The following CSMD3 variants were observed in gnomAD, a reference collection of about 807,000 sequenced individuals.
CSMD3 encodes the protein CUB and sushi domain-containing protein 3.
CSMD3 carries 177 observed loss-of-function variants against 435.2 expected under a neutral mutation model. The observed-to-expected ratio is 0.41, with a 90% CI of 0.36 to 0.46. The LOEUF is 0.46. Among genes scored for constraint, CSMD3 ranks in the 20% least tolerant of loss-of-function variants. The pLI, the probability that CSMD3 is intolerant of heterozygous loss-of-function variation, is 0.34. For missense variants in CSMD3, 4,265 were observed against 4,504.6 expected, an observed-to-expected ratio of 0.95 and a Z score of 1.52; for synonymous variants, 1,656 against 1,520.5, an observed-to-expected ratio of 1.09 and a Z score of -2.07.
At chr8:112,738,832 A>G (rs2077242200) in intron 13 of CSMD3, among the ~76,000 whole-genome samples, 1 of 151,776 alleles carries the variant, frequency 6.6e-6, no homozygotes, top group South Asian at 2.1e-4. Flanking sequence ...TATTTTTAAG[A>G]TAAAAGTCTT....
chr8:113,273,108 T>A (rs1023681956), intron 3 of CSMD3, among the ~76,000 whole-genome samples: 1 of 151,964 alleles, frequency 6.6e-6, no homozygotes, highest in African/African-American at 2.4e-5. Flanking sequence ...TGTATGAAAA[T>A]ACCACATATA....
At chr8:112,624,420 T>A (rs139017364) in intron 22 of CSMD3, among the ~76,000 whole-genome samples, 1 of 152,242 alleles carries the variant, frequency 6.6e-6, no homozygotes, top group East Asian at 1.9e-4. Flanking sequence ...CTCAAAATGT[T>A]CATGCTGCTT....
At chr8:112,264,535 C>G (rs1026066109) in intron 60 of CSMD3, among the ~76,000 whole-genome samples, 2 of 151,878 alleles carry the variant, frequency 1.3e-5, no homozygotes. Context: ...TGAGTAATAT[C>G]TAATTCATAT....
intron 38 of CSMD3, among the ~76,000 whole-genome samples, chr8:112,366,872 A>C (rs898570751): frequency 4.6e-5 from 7 of 152,360 alleles, no homozygotes; most frequent in Admixed American, 3.9e-4. Flanking sequence ...GGCTGGTATC[A>C]TTGCTTACAA....
intron 1 of CSMD3, among the ~76,000 whole-genome samples, chr8:113,388,596 A>G (rs1044067893): frequency 7.9e-5 from 12 of 151,544 alleles, no homozygotes; most frequent in African/African-American, 2.4e-4. Flanking sequence ...GTCACCACAC[A>G]TGGTAGTTAT....
intron 22 of CSMD3, among the ~76,000 whole-genome samples, chr8:112,596,997 A>G (rs199524775): frequency 3.3e-5 from 5 of 152,236 alleles, no homozygotes; most frequent in Admixed American, 6.5e-5. Context: ...GCTAGCAGAA[A>G]GCAAGAAATA....
rs375230348 is a variant in CSMD3 at position 113,377,996 on chromosome 8, A to G, written c.178+58681T>C. Among the ~76,000 whole-genome samples the G allele has an allele frequency of 8.5e-5, 13 of 152,346 alleles. No homozygotes were observed. In the East Asian group the frequency reaches 2.3e-3, roughly 27 times the overall value. On this transcript the variant is annotated intron_variant, in intron 1 of 70. Coordinates refer to ENST00000297405, the MANE Select transcript of CSMD3 (RefSeq NM_198123.2). ...TAAATGGATAAACTACTGAGGGAAT[A>G]CAATAAATACACAAATAAATAAGGC...
intron 27 of CSMD3, among the ~76,000 whole-genome samples, chr8:112,546,059 A>G (rs1316400230): frequency 6.6e-6 from 1 of 152,192 alleles, no homozygotes; most frequent in Non-Finnish European, 1.5e-5. Flanking sequence ...ATGTAGGTAC[A>G]AGTGTTTCAG....
chr8:112,545,498 A>AAAT (rs1554609859), intron 27 of CSMD3, among the ~76,000 whole-genome samples: 5 of 141,208 alleles, frequency 3.5e-5, no homozygotes, highest in African/African-American at 1.3e-4. Context: ...AAAAAAAAAA[A>AAAT]AAAAATAATA....
Position 112,228,954 on chromosome 8 carries a change from A to G in CSMD3, c.10829-63T>C, listed in dbSNP as rs1812830437. 5 of 899,140 alleles carry G rather than the reference A, an allele frequency of 5.6e-6. No homozygotes were observed. In the East Asian group the frequency reaches 1.3e-4, roughly 24 times the overall value. The allele number at this position is 899,140 out of a possible 1,614,324, so 55.7% of individuals were successfully genotyped here. A position where few individuals can be genotyped will look rare whatever the true frequency, so the allele number is the denominator to read the frequency against. On this transcript the variant is annotated intron_variant, in intron 69 of 70. Coordinates refer to ENST00000297405, the MANE Select transcript of CSMD3 (RefSeq NM_198123.2). ...TTTATCATAATTAATTTCTACTCCC[A>G]TGAATCAATTAATTTCTTCTATTCT...
At chr8:112,516,993 T>C (rs1320503829) in intron 28 of CSMD3, 41 bp downstream of exon 28, 1 of 1,468,006 alleles carries the variant, frequency 6.8e-7, no homozygotes, top group Non-Finnish European at 9.5e-7. Context: ...TAACCATTGT[T>C]TTATGTTTAT....
rs367618285 is a variant in CSMD3, at chr8:112,406,498, C to T, written c.5809+26G>A. The stretch of plus-strand genomic sequence containing the variant: ...TTTTTATATAAACTATGTATAATCA[C>T]AGATCATACAAATTTATATACTCAC... On this transcript the variant is annotated intron_variant, in intron 35 of 70. Transcript: ENST00000297405. The T allele has an allele frequency of 1.2e-5, 18 of 1,477,200 alleles. No individual in the cohort carries two copies. In the Admixed American group the frequency reaches 2.9e-4, roughly 24 times the overall value. 91.5% of individuals were successfully genotyped at this position (1,477,200 alleles called of 1,614,324 possible). A position where few individuals can be genotyped will look rare whatever the true frequency, so the allele number is the denominator to read the frequency against.
At chr8:112,545,509 A>AAC (rs1355880773) in intron 27 of CSMD3, among the ~76,000 whole-genome samples, 1 of 141,140 alleles carries the variant, frequency 7.1e-6, no homozygotes, top group Non-Finnish European at 1.5e-5. Context: ...AAAAATAATA[A>AAC]TAATAATAAT....
chr8:112,851,897 T>C (rs1031590466), intron 11 of CSMD3, among the ~76,000 whole-genome samples: 2 of 151,934 alleles, frequency 1.3e-5, no homozygotes, highest in African/African-American at 4.8e-5. Context: ...ATAGAATCAG[T>C]TGTAAAATTT....
At chr8:112,422,349 T>C (rs1177088076) in intron 32 of CSMD3, among the ~76,000 whole-genome samples, 2 of 152,210 alleles carry the variant, frequency 1.3e-5, no homozygotes, top group African/African-American at 2.4e-5. Flanking sequence ...ATCATTTATA[T>C]AAAATGTGTT....
At chr8:113,258,749 C>T (rs563089789) in intron 3 of CSMD3, among the ~76,000 whole-genome samples, 1 of 152,044 alleles carries the variant, frequency 6.6e-6, no homozygotes, top group East Asian at 1.9e-4. Flanking sequence ...TAAGAGATGA[C>T]TATTAGAGAA....
chr8:113,101,499 G>A (rs1048700846), intron 4 of CSMD3, among the ~76,000 whole-genome samples: 5 of 151,758 alleles, frequency 3.3e-5, no homozygotes, highest in African/African-American at 1.2e-4. Context: ...AAGCTCCAAG[G>A]CATAGAAATC....
At chr8:112,816,274 C>T (rs564473871) in intron 12 of CSMD3, among the ~76,000 whole-genome samples, 123 of 152,152 alleles carry the variant, frequency 8.1e-4, no homozygotes, top group Middle Eastern at 3.4e-3. Context: ...ATGATTGCTG[C>T]CCTCAAGGGA....
At chr8:112,765,688 T>C (rs1362914310) in intron 13 of CSMD3, among the ~76,000 whole-genome samples, 1 of 151,758 alleles carries the variant, frequency 6.6e-6, no homozygotes, top group East Asian at 1.9e-4. Flanking sequence ...TTTTTTCCCA[T>C]GTCCTCAGTC....
Sources: gnomAD v4.1 joint callset for allele counts (sites outside exome capture counted in the v4.1 genomes callset) on GRCh38, gnomAD v4.1.1 for gene constraint, MANE v1.5 for transcripts, NCBI Gene and HGNC (gene_info 2026-07-23, HGNC 2026-07-21) for gene names.